SCRG1: variants seen among roughly 807,000 people sequenced by gnomAD.
SCRG1 encodes the protein stimulator of chondrogenesis 1, also known as scrapie-responsive protein 1.
SCRG1 carries 3 observed loss-of-function variants against 7.7 expected under a neutral mutation model. The ratio of observed to expected loss-of-function variants is 0.39; its 90% CI spans 0.18 to 1.01. The LOEUF is 1.01. Among genes scored for constraint, SCRG1 ranks in the 50% least tolerant of loss-of-function variants. The pLI, the probability that SCRG1 is intolerant of heterozygous loss-of-function variation, is 0.36. For synonymous variants in SCRG1, 46 were observed against 41.2 expected, an observed-to-expected ratio of 1.12 and a Z score of -0.44; for missense variants, 110 against 117.2, an observed-to-expected ratio of 0.94 and a Z score of 0.28.
the SCRG1 span, among the ~76,000 whole-genome samples, chr4:173,484,758 ATAATACATATTATATATTATATACATG>A: frequency 4.3e-5 from 4 of 92,938 alleles, no homozygotes; most frequent in Non-Finnish European, 5.4e-5. Flanking sequence ...TTATATACAT[ATAATACATATTATATATTATATACATG>A]TAATACATAT....
At chr4:173,497,159 A>G in the SCRG1 span, among the ~76,000 whole-genome samples, 1 of 152,158 alleles carries the variant, frequency 6.6e-6, no homozygotes, top group Non-Finnish European at 1.5e-5. Context: ...AACTTTTCCT[A>G]CTATATTGCA....
chr4:173,412,901 A>C, the SCRG1 span, among the ~76,000 whole-genome samples: 1 of 152,332 alleles, frequency 6.6e-6, no homozygotes, highest in East Asian at 1.9e-4. Context: ...GAGAATCTCT[A>C]GCTTAGGAGT....
At chr4:173,498,661 G>T in the SCRG1 span, among the ~76,000 whole-genome samples, 18 of 152,170 alleles carry the variant, frequency 1.2e-4, no homozygotes, top group African/African-American at 4.3e-4. Context: ...CAGAGAACAT[G>T]AGATTAGAAA....
At chr4:173,443,640 C>T in the SCRG1 span, among the ~76,000 whole-genome samples, 3 of 151,922 alleles carry the variant, frequency 2.0e-5, no homozygotes, top group African/African-American at 7.3e-5. Flanking sequence ...CTATGTTGTC[C>T]AGGCTGGTCT....
At chr4:173,454,089 A>G in the SCRG1 span, among the ~76,000 whole-genome samples, 1 of 151,720 alleles carries the variant, frequency 6.6e-6, no homozygotes, top group African/African-American at 2.4e-5. Context: ...AAAAAAAAAA[A>G]AAAAGAACTG....
the SCRG1 span, among the ~76,000 whole-genome samples, chr4:173,438,286 T>G: frequency 1.7e-4 from 26 of 151,272 alleles, no homozygotes; most frequent in African/African-American, 6.3e-4. Flanking sequence ...CAGCTAATTT[T>G]TTTTTTTGTA....
the SCRG1 span, among the ~76,000 whole-genome samples, chr4:173,416,123 A>G: frequency 2.6e-5 from 4 of 152,132 alleles, no homozygotes; most frequent in African/African-American, 4.8e-5. Context: ...TGCCGCCCCA[A>G]AGTCATCTGC....
the SCRG1 span, among the ~76,000 whole-genome samples, chr4:173,417,079 A>G: frequency 6.6e-6 from 1 of 150,946 alleles, no homozygotes; most frequent in Admixed American, 6.6e-5. Context: ...CAACACAAAC[A>G]CAATCACATC....
In SCRG1 at chr4:173,391,201, T is replaced by C; in HGVS notation, c.214A>G (p.Asn72Asp). The C allele has an allele frequency of 6.2e-7, 1 of 1,614,164 alleles. No individual in the cohort carries two copies. Among genetic ancestry groups the C allele is most frequent in the Non-Finnish European group, 8.5e-7 (1 of 1,180,020 alleles). ...GGGCAGCAGAGCAATTCGCTGAAGT[T>C]GCAGTAACAGATCATCTCACATCCC... ...GKGCEMICYC[N>D]FSELLCCPKD... The change falls in exon 2 of 3, where the codon AAC becomes GAC. Residue 72 changes from asparagine (N) to aspartate (D), a missense_variant. Coordinates refer to ENST00000296506, the MANE Select transcript of SCRG1 (RefSeq NM_007281.4).
chr4:173,477,356 T>C, the SCRG1 span, among the ~76,000 whole-genome samples: 1 of 152,130 alleles, frequency 6.6e-6, no homozygotes, highest in Non-Finnish European at 1.5e-5. Flanking sequence ...AGAACAAATA[T>C]CCATTGCACC....
chr4:173,450,960 C>A, the SCRG1 span, among the ~76,000 whole-genome samples: 1 of 151,982 alleles, frequency 6.6e-6, no homozygotes, highest in Non-Finnish European at 1.5e-5. Context: ...AGAAGGGGGA[C>A]CTGAAAGTAG....
the SCRG1 span, among the ~76,000 whole-genome samples, chr4:173,433,786 G>A: frequency 5.3e-5 from 8 of 152,172 alleles, no homozygotes; most frequent in South Asian, 6.2e-4. Context: ...TGCCTCTGTC[G>A]GAGGTCAGAG....
intron 2 of SCRG1, among the ~76,000 whole-genome samples, 185 bp from the exon 3 acceptor site, chr4:173,388,580 C>T (rs934446756): frequency 2.0e-5 from 3 of 152,090 alleles, no homozygotes; most frequent in Non-Finnish European, 1.5e-5. Flanking sequence ...AGAAGGTAAT[C>T]GATTTGTCTA....
chr4:173,461,388 G>A, the SCRG1 span, among the ~76,000 whole-genome samples: 1 of 152,356 alleles, frequency 6.6e-6, no homozygotes, highest in East Asian at 1.9e-4. Context: ...ATGTTTGGGA[G>A]TAAGTAAGGG....
chr4:173,512,672 C>T, the SCRG1 span, among the ~76,000 whole-genome samples: 1 of 152,154 alleles, frequency 6.6e-6, no homozygotes, highest in Admixed American at 6.5e-5. Flanking sequence ...AGAGAGTGTC[C>T]CCCATCCCTG....
In SCRG1 at chr4:173,404,982, T is replaced by TA. The variant is rs572817350; in HGVS notation, c.-747-551dup. Among the ~76,000 whole-genome samples, 12 of 152,354 alleles carry TA rather than the reference T, an allele frequency of 7.9e-5. No individual in the cohort carries two copies. In the South Asian group the frequency reaches 2.5e-3, roughly 32 times the overall value. On this transcript the variant is annotated intron_variant and NMD_transcript_variant, in intron 1 of 8. Transcript: ENST00000512188. The stretch of plus-strand genomic sequence containing the variant: ...CCAGTTTCCTCTATTATTTAACTCT[T>TA]ACATTAGTGTGGTCCATTTTTTATA...
chr4:173,500,886 C>T, the SCRG1 span, among the ~76,000 whole-genome samples: 1 of 152,202 alleles, frequency 6.6e-6, no homozygotes, highest in African/African-American at 2.4e-5. Context: ...TCCTTCTACC[C>T]ACCGCCGGAG....
At chr4:173,497,552 G>A in the SCRG1 span, among the ~76,000 whole-genome samples, 2 of 149,240 alleles carry the variant, frequency 1.3e-5, no homozygotes, top group South Asian at 2.1e-4. Flanking sequence ...CCAAGGCCAG[G>A]CAAGCAGGAG....
chr4:173,498,869 C>T, the SCRG1 span, among the ~76,000 whole-genome samples: 1 of 152,080 alleles, frequency 6.6e-6, no homozygotes, highest in African/African-American at 2.4e-5. Flanking sequence ...GTCTAAAATC[C>T]AGGTTTTCTA....
Sources: allele counts gnomAD v4.1 joint callset (sites outside exome capture counted in the v4.1 genomes callset), GRCh38; gene constraint gnomAD v4.1.1; transcripts MANE v1.5; gene names NCBI Gene and HGNC (gene_info 2026-07-23, HGNC 2026-07-21).